SPPL2A: variants seen among roughly 807,000 people sequenced by gnomAD.
The protein encoded by SPPL2A is signal peptide peptidase like 2A.
Under a neutral mutation model 63.8 loss-of-function variants are expected in SPPL2A, and 51 were observed. The ratio of observed to expected loss-of-function variants is 0.80; its 90% CI spans 0.64 to 1.01. The LOEUF (loss-of-function observed/expected upper bound fraction) is 1.01, where lower values mean the gene tolerates loss of function less well. Among genes scored for constraint, SPPL2A ranks in the 50% least tolerant of loss-of-function variants. The pLI, the probability that SPPL2A is intolerant of heterozygous loss-of-function variation, is 0.00. For missense variants in SPPL2A, 553 were observed against 622.7 expected (o/e 0.89, Z 1.19); for synonymous variants, 188 against 205.8 (o/e 0.91, Z 0.74).
At chr15:50,742,749 A>T (rs1219618568) in intron 5 of SPPL2A, 1 of 152,070 alleles carries the variant, frequency 6.6e-6, no homozygotes, top group African/African-American at 2.4e-5. Context: ...AAAATCCATG[A>T]TCCTGCAGGT....
chr15:50,712,259 G>A lies in SPPL2A; in HGVS notation c.1489-4385C>T, dbSNP rs897669103. On this transcript the variant is annotated intron_variant, in intron 14 of 14. Coordinates refer to ENST00000261854, the MANE Select transcript of SPPL2A (RefSeq NM_032802.4). ...TAAAGTACAAAGTCTAAAAAATTAC[G>A]GTGAAAGGTAAATGTGATTTTAATT... Among the ~76,000 whole-genome samples the A allele has an allele frequency of 4.6e-5, 7 of 152,120 alleles. No homozygotes were observed. In the East Asian group the frequency reaches 5.8e-4, roughly 13 times the overall value.
In SPPL2A at chr15:50,729,786, T is replaced by C. The variant is rs1023027144; in HGVS notation, c.1089+1179A>G. On this transcript the variant is annotated intron_variant, in intron 10 of 14. Coordinates refer to ENST00000261854, the MANE Select transcript of SPPL2A (RefSeq NM_032802.4). ...TGTCTTTATGCCATTATAGCAAATA[T>C]CAGAAGTGTAGATTTTTACAGTGAT... Among the ~76,000 whole-genome samples the C allele has an allele frequency of 3.3e-5, 5 of 152,188 alleles. No homozygotes were observed. In the East Asian group the frequency reaches 9.6e-4, roughly 29 times the overall value.
intron 14 of SPPL2A, among the ~76,000 whole-genome samples, chr15:50,713,333 C>T (rs1306637335): frequency 1.3e-5 from 2 of 149,468 alleles, no homozygotes; most frequent in South Asian, 2.1e-4. Context: ...GGCACAATCT[C>T]GACTCACTGC....
chr15:50,751,653 C>A (rs1321924802), intron 1 of SPPL2A, among the ~76,000 whole-genome samples: 4 of 152,114 alleles, frequency 2.6e-5, no homozygotes, highest in Non-Finnish European at 5.9e-5. Context: ...AGTAAGTAAT[C>A]TATGGCACCA....
At chr15:50,753,783 G>A (rs907848923) in intron 1 of SPPL2A, among the ~76,000 whole-genome samples, 5 of 151,930 alleles carry the variant, frequency 3.3e-5, no homozygotes, top group African/African-American at 1.2e-4. Context: ...AAAGGACATG[G>A]AGTTTCTTTC....
intron 5 of SPPL2A, among the ~76,000 whole-genome samples, chr15:50,744,742 T>G (rs1387396312): frequency 2.6e-5 from 4 of 152,334 alleles, no homozygotes; most frequent in South Asian, 2.1e-4. Flanking sequence ...TTGTTTAAAC[T>G]GGCAGAAAGT....
chr15:50,726,482 T>A, intron 10 of SPPL2A, 105 bp from the exon 11 acceptor site: 1 of 1,047,340 alleles, frequency 9.5e-7, no homozygotes, highest in Non-Finnish European at 1.4e-6. Flanking sequence ...TTACACTGAT[T>A]GAAAATGGGC....
chr15:50,733,373 A>G (rs949858594), intron 8 of SPPL2A, among the ~76,000 whole-genome samples: 1 of 151,992 alleles, frequency 6.6e-6, no homozygotes, highest in Admixed American at 6.6e-5. Flanking sequence ...CTAAGTATAT[A>G]TTTTTTCTGG....
intron 1 of SPPL2A, among the ~76,000 whole-genome samples, chr15:50,757,152 T>C (rs35468804): frequency 6.7e-6 from 1 of 148,260 alleles, no homozygotes; most frequent in Admixed American, 6.7e-5. Flanking sequence ...GTGCGATCTC[T>C]GCTCACTGCA....
chr15:50,764,230 G>C (rs1265141555), intron 1 of SPPL2A, among the ~76,000 whole-genome samples: 1 of 152,214 alleles, frequency 6.6e-6, no homozygotes, highest in Admixed American at 6.5e-5. Context: ...CTAGGTTATA[G>C]TTTTGCATAC....
chr15:50,725,083 T>A (rs2062675416), intron 12 of SPPL2A, 138 bp downstream of exon 12: 1 of 651,962 alleles, frequency 1.5e-6, no homozygotes, highest in South Asian at 1.9e-5. Context: ...ACAAGCTTTT[T>A]TGTTATGACA....
chr15:50,748,189 C>T lies in SPPL2A; in HGVS notation c.374G>A (p.Gly125Asp), dbSNP rs376767094. 21 of 1,471,838 alleles carry T rather than the reference C, an allele frequency of 1.4e-5. No homozygotes were observed. The highest frequency in any genetic ancestry group is 3.6e-6 in the Non-Finnish European group (4 of 1,101,006). 91.2% of individuals were successfully genotyped at this position (1,471,838 alleles called of 1,614,324 possible). The change falls in exon 4 of 15, where the codon GGT becomes GAT. Residue 125 changes from glycine to aspartate, a missense_variant. By Grantham distance (94) the Gly-to-Asp change is moderately conservative (BLOSUM62 -1). Transcript: ENST00000261854. ...VNNSVLFPPS[G>D]NRSEFPDVKI... ...CACATCAGGAAATTCAGATCTGTTACCTGAGGGAGGAAACTAAAAAAGAAA... is the reference window on the plus strand; with the variant it reads ...CACATCAGGAAATTCAGATCTGTTATCTGAGGGAGGAAACTAAAAAAGAAA...
chr15:50,703,331 TATATATATATATATAC>T lies in SPPL2A; in HGVS notation c.*4453_*4468del, dbSNP rs1567143924. The T allele has an allele frequency of 1.2e-4, 11 of 89,332 alleles. 1 individual carries two copies. Among genetic ancestry groups the T allele is most frequent in the African/African-American group, 4.2e-4 (11 of 26,160 alleles). 5.5% of individuals were successfully genotyped at this position (89,332 alleles called of 1,614,324 possible). A position where few individuals can be genotyped will look rare whatever the true frequency, so the allele number is the denominator to read the frequency against. Reference sequence around the variant, plus strand: ...ATAAATTAGTTCATATATACATATATATATATATATATATACATATATATATTTTTTTTTTTTTTTT... The same window carrying T: ...ATAAATTAGTTCATATATACATATATATATATATATTTTTTTTTTTTTTTT... On this transcript the variant is annotated 3_prime_UTR_variant, in exon 15 of 15. Transcript: ENST00000261854.
Position 50,765,670 on chromosome 15 carries a change from C to CAG in SPPL2A, c.-138_-137insCT, listed in dbSNP as rs879332461. ...CGCGGGCGGCCGGGCTACGACTGGA[C>CAG]CGCCGCTGCTACAGCGGCCGCCACA... On this transcript the variant is annotated 5_prime_UTR_variant, in exon 1 of 15. Transcript: ENST00000261854. The CAG allele has an allele frequency of 6.3e-6, 3 of 474,958 alleles. No individual in the cohort carries two copies. In the East Asian group the frequency reaches 1.1e-4, roughly 17 times the overall value. The allele number at this position is 474,958 out of a possible 1,614,324, so 29.4% of individuals were successfully genotyped here. A position where few individuals can be genotyped will look rare whatever the true frequency, so the allele number is the denominator to read the frequency against.
At position 50,739,951 on chromosome 15, in the gene SPPL2A, TTTTTA is replaced by T. The variant is rs1377266276; in HGVS notation, c.585-128_585-124del. On this transcript the variant is annotated intron_variant, in intron 5 of 14. Transcript: ENST00000261854. ...CAATGTATTTTTATTTATTAAAATA[TTTTTA>T]TTTTATTATTTTTCTAAGCTATCTT... 1.5e-5 allele frequency: 7 copies of T among 470,650 alleles called. No homozygotes were observed. In the Admixed American group the frequency reaches 2.2e-4, roughly 15 times the overall value. 29.2% of individuals were successfully genotyped at this position (470,650 alleles called of 1,614,324 possible).
intron 14 of SPPL2A, 116 bp downstream of exon 14, chr15:50,719,824 G>C (rs1481258917): frequency 1.5e-6 from 1 of 646,248 alleles, no homozygotes; most frequent in Non-Finnish European, 2.7e-6. Context: ...GAGTAAGGGG[G>C]TATTACAGTA....
chr15:50,713,179 C>T (rs1008857801), intron 14 of SPPL2A, among the ~76,000 whole-genome samples: 7 of 151,604 alleles, frequency 4.6e-5, no homozygotes, highest in Admixed American at 4.6e-4. Flanking sequence ...GAGAGATTTT[C>T]TTTTTAAAAG....
chr15:50,708,004 C>A (rs2062525196), intron 14 of SPPL2A, 130 bp from the exon 15 acceptor site: 2 of 639,264 alleles, frequency 3.1e-6, no homozygotes, highest in African/African-American at 3.6e-5. Context: ...CCTTCTGGAG[C>A]ACTGTTCTGG....
intron 5 of SPPL2A, among the ~76,000 whole-genome samples, chr15:50,740,531 A>G (rs1171245553): frequency 6.6e-6 from 1 of 152,136 alleles, no homozygotes; most frequent in Non-Finnish European, 1.5e-5. Flanking sequence ...TTATATTGAC[A>G]TAATAAATTT....
Sources: allele counts gnomAD v4.1 joint callset (sites outside exome capture counted in the v4.1 genomes callset), GRCh38; gene constraint gnomAD v4.1.1; transcripts MANE v1.5; gene names NCBI Gene and HGNC (gene_info 2026-07-23, HGNC 2026-07-21).